ARPC1A: variants seen among roughly 807,000 people sequenced by gnomAD.
ARPC1A encodes actin related protein 2/3 complex subunit 1A.
ARPC1A carries 8 observed loss-of-function variants against 46.9 expected under a neutral mutation model. The observed-to-expected ratio is 0.17, with a 90% CI of 0.10 to 0.31. The LOEUF is 0.31. Among genes scored for constraint, ARPC1A ranks in the 10% least tolerant of loss-of-function variants. ARPC1A has a pLI of 1.00. For synonymous variants in ARPC1A, 152 were observed against 169.0 expected (o/e 0.90, Z 0.78); for missense variants, 286 against 483.6 (o/e 0.59, Z 3.83).
At chr7:99,361,763 T>C (rs1377691272) in intron 8 of ARPC1A, among the ~76,000 whole-genome samples, 1 of 152,330 alleles carries the variant, frequency 6.6e-6, no homozygotes, top group Non-Finnish European at 1.5e-5. Context: ...ACTAGAACTG[T>C]GTCAGCTAAC....
chr7:99,328,385 T>C (rs1362737650), intron 1 of ARPC1A, among the ~76,000 whole-genome samples: 2 of 152,120 alleles, frequency 1.3e-5, no homozygotes, highest in African/African-American at 4.8e-5. Context: ...TAGAAAAGCC[T>C]TGGGTCAAAG....
At chr7:99,328,676 A>C (rs1189295145) in intron 1 of ARPC1A, among the ~76,000 whole-genome samples, 1 of 152,130 alleles carries the variant, frequency 6.6e-6, no homozygotes, top group Non-Finnish European at 1.5e-5. Context: ...GGGGCCGGGC[A>C]TGGTGGCTCA....
At chr7:99,364,273 T>C (rs1419727097) in intron 9 of ARPC1A, among the ~76,000 whole-genome samples, 1 of 148,806 alleles carries the variant, frequency 6.7e-6, no homozygotes, top group African/African-American at 2.5e-5. Flanking sequence ...TCTCTCTTTT[T>C]TTTTTTTTTT....
At chr7:99,364,268 CTTTTTTT>C (rs1226720404) in intron 9 of ARPC1A, among the ~76,000 whole-genome samples, 1 of 117,370 alleles carries the variant, frequency 8.5e-6, no homozygotes, top group Non-Finnish European at 1.7e-5. Flanking sequence ...AGATCTCTCT[CTTTTTTT>C]TTTTTTTTTT....
chr7:99,355,859 G>A (rs994905174), intron 6 of ARPC1A, among the ~76,000 whole-genome samples: 3 of 152,168 alleles, frequency 2.0e-5, no homozygotes, highest in Admixed American at 6.6e-5. Flanking sequence ...GTCAGCGAAC[G>A]ATGACTTCAT....
intron 5 of ARPC1A, among the ~76,000 whole-genome samples, chr7:99,352,229 CAT>C (rs1456475439): frequency 1.3e-5 from 2 of 152,138 alleles, no homozygotes; most frequent in African/African-American, 2.4e-5. Flanking sequence ...AGCAAGGTCT[CAT>C]GTGGGCAAGG....
At chr7:99,338,132 T>C in intron 2 of ARPC1A, 49 bp from the exon 3 acceptor site, 1 of 1,399,298 alleles carries the variant, frequency 7.1e-7, no homozygotes, top group Non-Finnish European at 1.0e-6. Context: ...CCCTTTTTGG[T>C]GACAATTGCA....
intron 1 of ARPC1A, among the ~76,000 whole-genome samples, chr7:99,327,967 CT>C (rs1195198755): frequency 3.3e-5 from 5 of 152,044 alleles, no homozygotes; most frequent in Non-Finnish European, 7.3e-5. Context: ...GAAATGCCCA[CT>C]TTTGTGGGCA....
At chr7:99,358,453 TATGTGATGCTCAGACAGGGAACA>T in intron 7 of ARPC1A, 38 bp downstream of exon 7, 1 of 1,570,252 alleles carries the variant, frequency 6.4e-7, no homozygotes, top group Non-Finnish European at 8.8e-7. Context: ...GGGTGCACTG[TATGTGATGCTCAGACAGGGAACA>T]ATGTGTGCTC....
chr7:99,349,994 G>C (rs1346133304), intron 5 of ARPC1A, among the ~76,000 whole-genome samples: 1 of 152,182 alleles, frequency 6.6e-6, no homozygotes, highest in East Asian at 1.9e-4. Flanking sequence ...CTGGGCGACA[G>C]AGTAAGACTC....
At chr7:99,356,093 C>T (rs956805680) in intron 6 of ARPC1A, among the ~76,000 whole-genome samples, 2 of 152,084 alleles carry the variant, frequency 1.3e-5, no homozygotes, top group Admixed American at 1.3e-4. Context: ...CCCTGGTGTT[C>T]CTTTTCCATT....
intron 2 of ARPC1A, among the ~76,000 whole-genome samples, chr7:99,334,624 G>C (rs1162721508): frequency 3.3e-5 from 5 of 151,862 alleles, no homozygotes; most frequent in Non-Finnish European, 7.4e-5. Flanking sequence ...GTAAGATAGG[G>C]TTCCTTTTGT....
chr7:99,354,124 G>A lies in ARPC1A; in HGVS notation c.713+3G>A, dbSNP rs2150870856. The A allele has an allele frequency of 6.2e-7, 1 of 1,612,830 alleles. No homozygotes were observed. The highest frequency in any genetic ancestry group is 2.2e-5 in the East Asian group (1 of 44,844). On this transcript the variant is annotated splice_donor_region_variant and intron_variant, in intron 6 of 9. Transcript: ENST00000262942. ...GCTGATGCCTCAAAAAGTGTGCAGT[G>A]AGTATTTGCCTTTCATTTGGAAGGT... is the stretch of plus-strand genomic sequence containing the variant.
At chr7:99,341,286 G>C (rs1793352916) in intron 3 of ARPC1A, among the ~76,000 whole-genome samples, 1 of 149,812 alleles carries the variant, frequency 6.7e-6, no homozygotes, top group African/African-American at 2.5e-5. Context: ...TCCAGCCTGG[G>C]GTATACAGCA....
chr7:99,341,696 A>T (rs1793359704), intron 3 of ARPC1A, among the ~76,000 whole-genome samples: 1 of 152,092 alleles, frequency 6.6e-6, no homozygotes, highest in Non-Finnish European at 1.5e-5. Context: ...TGAAAGACCA[A>T]AGAAATCGCC....
intron 3 of ARPC1A, among the ~76,000 whole-genome samples, chr7:99,343,110 C>A (rs1793382394): frequency 6.6e-6 from 1 of 150,834 alleles, no homozygotes; most frequent in Non-Finnish European, 1.5e-5. Context: ...AGAGAGAGAT[C>A]TGTAATAAAT....
intron 5 of ARPC1A, 128 bp from the exon 6 acceptor site, chr7:99,353,781 T>G: frequency 1.8e-4 from 162 of 876,338 alleles, no homozygotes; most frequent in East Asian, 3.5e-4. Flanking sequence ...GCCCAGCTCA[T>G]GTTTTATTTT....
chr7:99,331,000 A>G (rs1378688406), intron 1 of ARPC1A, among the ~76,000 whole-genome samples: 2 of 152,230 alleles, frequency 1.3e-5, no homozygotes. Flanking sequence ...ATTTAGTTAC[A>G]ATTAAAAGTT....
At chr7:99,349,648 C>G (rs1214496005) in intron 5 of ARPC1A, among the ~76,000 whole-genome samples, 1 of 152,038 alleles carries the variant, frequency 6.6e-6, no homozygotes, top group Admixed American at 6.6e-5. Context: ...ACCATCCTGG[C>G]TAACACAGTG....
Sources: allele counts gnomAD v4.1 joint callset (sites outside exome capture counted in the v4.1 genomes callset), GRCh38; gene constraint gnomAD v4.1.1; transcripts MANE v1.5; gene names NCBI Gene and HGNC (gene_info 2026-07-23, HGNC 2026-07-21).